The following YWHAE variants were observed in gnomAD, a reference collection of about 807,000 sequenced individuals.
The protein encoded by YWHAE is tyrosine 3-monooxygenase/tryptophan 5-monooxygenase activation protein epsilon.
Under a neutral mutation model 30.1 loss-of-function variants are expected in YWHAE, and 4 were observed. The ratio of observed to expected loss-of-function variants is 0.13; its 90% CI spans 0.07 to 0.30. The LOEUF (loss-of-function observed/expected upper bound fraction) is 0.30, where lower values mean the gene tolerates loss of function less well. Ranked by LOEUF, YWHAE falls within the 10% of genes least tolerant of loss-of-function variation. The pLI is 1.00. For missense variants in YWHAE, 121 were observed against 315.9 expected, an observed-to-expected ratio of 0.38 and a Z score of 4.68; for synonymous variants, 118 against 111.8, an observed-to-expected ratio of 1.06 and a Z score of -0.35.
intron 1 of YWHAE, among the ~76,000 whole-genome samples, chr17:1,390,832 T>C (rs750919933): frequency 1.3e-5 from 2 of 152,240 alleles, no homozygotes; most frequent in African/African-American, 2.4e-5. Flanking sequence ...GCTACTATGG[T>C]AGATTGTTGG....
At chr17:1,348,615 GT>G (rs1382641222) in intron 5 of YWHAE, among the ~76,000 whole-genome samples, 2 of 152,202 alleles carry the variant, frequency 1.3e-5, no homozygotes, top group Non-Finnish European at 2.9e-5. Context: ...GTGAGATGAA[GT>G]TTTATCTTGC....
intron 1 of YWHAE, among the ~76,000 whole-genome samples, chr17:1,370,207 A>G (rs1253844016): frequency 4.2e-5 from 6 of 142,136 alleles, no homozygotes; most frequent in Non-Finnish European, 7.5e-5. Context: ...GCTCACTGCA[A>G]GCTCCGCCTC....
rs2072484140 is a variant in YWHAE at position 1,344,482 on chromosome 17, T to C, written c.*965A>G. On this transcript the variant is annotated 3_prime_UTR_variant, in exon 6 of 6. Transcript: ENST00000264335. ...TCACATTCAGGCAAACATAATACTG[T>C]CAGTGTGTTTGGACTAGAGATTTTA... The C allele has an allele frequency of 5.3e-6, 1 of 189,008 alleles. No individual in the cohort carries two copies. The highest frequency in any genetic ancestry group is 2.3e-5 in the African/African-American group (1 of 42,872). 11.7% of individuals were successfully genotyped at this position (189,008 alleles called of 1,614,324 possible).
At chr17:1,346,745 G>C (rs1049027014) in intron 5 of YWHAE, among the ~76,000 whole-genome samples, 1 of 152,104 alleles carries the variant, frequency 6.6e-6, no homozygotes, top group Non-Finnish European at 1.5e-5. Context: ...CCAGCACTTT[G>C]GGAAGCAAAG....
intron 2 of YWHAE, 24 bp downstream of exon 2, chr17:1,364,835 G>A: frequency 6.2e-7 from 1 of 1,613,850 alleles, no homozygotes; most frequent in Non-Finnish European, 8.5e-7. Flanking sequence ...TGGATAAGGG[G>A]GGATGATGGC....
intron 1 of YWHAE, among the ~76,000 whole-genome samples, chr17:1,385,397 T>A (rs2073285258): frequency 6.6e-6 from 1 of 152,162 alleles, no homozygotes; most frequent in Non-Finnish European, 1.5e-5. Flanking sequence ...AGTCATCTAC[T>A]GAAAAGGTAC....
At chr17:1,381,884 G>T (rs374927544) in intron 1 of YWHAE, among the ~76,000 whole-genome samples, 1 of 127,328 alleles carries the variant, frequency 7.9e-6, no homozygotes. Flanking sequence ...CTGTACTCCA[G>T]CCTGCACGAG....
intron 1 of YWHAE, chr17:1,369,855 T>C (rs2073003951): frequency 6.9e-6 from 1 of 144,624 alleles, no homozygotes; most frequent in African/African-American, 2.7e-5. Flanking sequence ...AACAGCATTA[T>C]GTCTAAACTG....
At chr17:1,373,547 A>C (rs1251552720) in intron 1 of YWHAE, among the ~76,000 whole-genome samples, 3 of 151,974 alleles carry the variant, frequency 2.0e-5, no homozygotes, top group Non-Finnish European at 1.5e-5. Context: ...GGGCGCCTGT[A>C]GTCCCAGCTA....
intron 1 of YWHAE, among the ~76,000 whole-genome samples, chr17:1,386,104 C>T (rs2073296676): frequency 6.6e-6 from 1 of 152,160 alleles, no homozygotes; most frequent in South Asian, 2.1e-4. Flanking sequence ...ATGGGTAGTA[C>T]TTTGCATGGC....
chr17:1,373,109 G>A (rs1242033931), intron 1 of YWHAE, among the ~76,000 whole-genome samples: 2 of 152,106 alleles, frequency 1.3e-5, no homozygotes. Flanking sequence ...CAGGCATGGG[G>A]GCGCGTGCCT....
chr17:1,349,895 G>GT lies in YWHAE; in HGVS notation c.715+4315dup, dbSNP rs1391758495. 6.6e-5 allele frequency among the ~76,000 whole-genome samples: 10 copies of GT among 151,134 alleles called. No homozygotes were observed. The East Asian group carries it at 7.9e-4, about 12-fold the overall frequency. ...TCCCAAAGTGCTGGGATTAACCGGC[G>GT]TGAGCCACTGCGCCCAGCCGAATTT... On this transcript the variant is annotated intron_variant, in intron 5 of 5. Coordinates refer to ENST00000264335, the MANE Select transcript of YWHAE (RefSeq NM_006761.5).
intron 1 of YWHAE, among the ~76,000 whole-genome samples, chr17:1,392,731 T>C (rs2073407302): frequency 1.3e-5 from 2 of 151,778 alleles, no homozygotes; most frequent in South Asian, 4.2e-4. Flanking sequence ...AAGTCTGTAG[T>C]CTCAGCTACT....
At chr17:1,396,288 G>C (rs2073470260) in intron 1 of YWHAE, among the ~76,000 whole-genome samples, 1 of 151,708 alleles carries the variant, frequency 6.6e-6, no homozygotes, top group Non-Finnish European at 1.5e-5. Flanking sequence ...GCATGGCATG[G>C]TGGCACATGC....
chr17:1,357,771 A>T (rs568176566), intron 4 of YWHAE, among the ~76,000 whole-genome samples: 1 of 150,666 alleles, frequency 6.6e-6, no homozygotes, highest in Non-Finnish European at 1.5e-5. Context: ...ACATAAAAAT[A>T]CAAAAATTAG....
chr17:1,349,546 T>G (rs913621114), intron 5 of YWHAE, among the ~76,000 whole-genome samples: 2 of 152,200 alleles, frequency 1.3e-5, no homozygotes, highest in African/African-American at 4.8e-5. Flanking sequence ...TGAAAATTAC[T>G]CTTCTTAACC....
At chr17:1,393,971 C>A (rs1304074448) in intron 1 of YWHAE, among the ~76,000 whole-genome samples, 1 of 152,224 alleles carries the variant, frequency 6.6e-6, no homozygotes, top group Non-Finnish European at 1.5e-5. Flanking sequence ...TCAGTCATCA[C>A]AAACATCAAG....
At chr17:1,370,710 T>G (rs2073027827) in intron 1 of YWHAE, among the ~76,000 whole-genome samples, 1 of 151,946 alleles carries the variant, frequency 6.6e-6, no homozygotes, top group African/African-American at 2.4e-5. Flanking sequence ...AAAACAACAT[T>G]GCAGGCTGGG....
chr17:1,376,422 G>T (rs939691283), intron 1 of YWHAE, among the ~76,000 whole-genome samples: 1 of 151,998 alleles, frequency 6.6e-6, no homozygotes. Context: ...AGAAAAGAAG[G>T]AAAGAAGTTC....
Sources: gnomAD v4.1 joint callset for allele counts (sites outside exome capture counted in the v4.1 genomes callset) on GRCh38, gnomAD v4.1.1 for gene constraint, MANE v1.5 for transcripts, NCBI Gene and HGNC (gene_info 2026-07-23, HGNC 2026-07-21) for gene names.